The following SP140L variants were observed in gnomAD, a reference collection of about 807,000 sequenced individuals.
SP140L encodes the protein SP140 like nuclear body protein, also known as nuclear body protein SP140-like protein.
A neutral mutation model predicts 84.3 loss-of-function variants in SP140L; 64 were observed. That is an observed-to-expected ratio of 0.76 (90% CI 0.62 to 0.94). The LOEUF (loss-of-function observed/expected upper bound fraction) is 0.94. Among genes scored for constraint, SP140L ranks in the 40% least tolerant of loss-of-function variants. The probability of loss-of-function intolerance (pLI) is 0.00; values close to 1 mark genes in which losing one functional copy is unlikely to be tolerated. For synonymous variants in SP140L, 242 were observed against 236.9 expected (o/e 1.02, Z -0.20); for missense variants, 628 against 692.5 (o/e 0.91, Z 1.05).
intron 9 of SP140L, 59 bp from the exon 10 acceptor site, chr2:230,388,500 C>A (rs576678719): frequency 5.0e-6 from 7 of 1,387,028 alleles, no homozygotes; most frequent in African/African-American, 2.9e-5. Flanking sequence ...TGAAAAGCAG[C>A]AATATATGTA....
intron 2 of SP140L, among the ~76,000 whole-genome samples, chr2:230,329,455 T>C (rs777343567): frequency 6.6e-6 from 1 of 152,230 alleles, no homozygotes; most frequent in Non-Finnish European, 1.5e-5. Context: ...TGGCTCTGTG[T>C]CTCCACCCAA....
At position 230,329,450 on chromosome 2, in the gene SP140L, C is replaced by G. The variant is rs12467091; in HGVS notation, c.107+619C>G. 6.5e-3 allele frequency among the ~76,000 whole-genome samples: 983 copies of G among 152,240 alleles called. 29 individuals are homozygous for G. The highest frequency in any genetic ancestry group is 0.057 in the East Asian group (293 of 5,178). On this transcript the variant is annotated intron_variant, in intron 2 of 18. Transcript: ENST00000415673. ...AATTATCTAGTGATATGGTTTGGCT[C>G]TGTGTCTCCACCCAAATCTCATCTT...
chr2:230,338,964 T>G (rs1233376536), intron 2 of SP140L, among the ~76,000 whole-genome samples: 13 of 137,766 alleles, frequency 9.4e-5, no homozygotes, highest in African/African-American at 2.3e-4. Context: ...TCTCTTTTTT[T>G]GTTGTGTCTC....
chr2:230,381,383 T>C (rs913799381), intron 7 of SP140L, among the ~76,000 whole-genome samples: 2 of 152,118 alleles, frequency 1.3e-5, no homozygotes, highest in African/African-American at 2.4e-5. Context: ...TATTCTGACA[T>C]CCTTGAAGCA....
chr2:230,353,057 T>C (rs1201751125), intron 2 of SP140L, among the ~76,000 whole-genome samples: 1 of 152,112 alleles, frequency 6.6e-6, no homozygotes, highest in Admixed American at 6.5e-5. Context: ...AAATCATTTG[T>C]GAATATATTT....
At chr2:230,355,856 A>G (rs559739918) in intron 2 of SP140L, among the ~76,000 whole-genome samples, 27 of 152,292 alleles carry the variant, frequency 1.8e-4, no homozygotes, top group East Asian at 3.9e-4. Context: ...TTTCCTATCA[A>G]AAGACATAAT....
rs548826351 is a variant in SP140L at position 230,386,311 on chromosome 2, C to T, written c.784+1007C>T. Among the ~76,000 whole-genome samples the T allele has an allele frequency of 3.3e-4, 50 of 152,176 alleles. 1 individual carries two copies. The highest frequency in any genetic ancestry group is 2.9e-3 in the South Asian group (14 of 4,814). ...AGTGAAACTCTCATGTCCTGGGCAC[C>T]CCCTTAGTCCTGGACAGACCAGGAC... On this transcript the variant is annotated intron_variant, in intron 9 of 18. Coordinates refer to ENST00000415673, the MANE Select transcript of SP140L (RefSeq NM_138402.6).
chr2:230,360,767 C>G (rs750335017), intron 4 of SP140L, among the ~76,000 whole-genome samples: 1 of 152,094 alleles, frequency 6.6e-6, no homozygotes, highest in Non-Finnish European at 1.5e-5. Context: ...TGCCCACCGC[C>G]CCACCCAGCA....
At chr2:230,397,522 A>G (rs1575554157) in intron 14 of SP140L, among the ~76,000 whole-genome samples, 1 of 152,168 alleles carries the variant, frequency 6.6e-6, no homozygotes, top group Non-Finnish European at 1.5e-5. Flanking sequence ...TCTGCTTGCT[A>G]TATGACTGCC....
intron 2 of SP140L, among the ~76,000 whole-genome samples, chr2:230,332,186 A>C (rs947441801): frequency 3.9e-5 from 6 of 152,230 alleles, no homozygotes; most frequent in African/African-American, 1.4e-4. Flanking sequence ...ATGTTTGCTA[A>C]AGAATCTTTG....
At chr2:230,327,401 C>T in intron 1 of SP140L, 100 bp downstream of exon 1, 1 of 1,378,640 alleles carries the variant, frequency 7.3e-7, no homozygotes, top group African/African-American at 1.4e-5. Context: ...TTTAGTCCTG[C>T]TTTGCAAGAA....
intron 9 of SP140L, 147 bp from the exon 10 acceptor site, chr2:230,388,412 A>G (rs1356841657): frequency 1.8e-6 from 1 of 544,890 alleles, no homozygotes; most frequent in Non-Finnish European, 3.1e-6. Context: ...AATTCTTCAT[A>G]CCTTAAAGGC....
At chr2:230,347,860 G>T (rs987206657) in intron 2 of SP140L, among the ~76,000 whole-genome samples, 1 of 152,216 alleles carries the variant, frequency 6.6e-6, no homozygotes, top group African/African-American at 2.4e-5. Context: ...CTGCAGTTGG[G>T]CAGAGCTGCT....
chr2:230,400,817 T>A, intron 15 of SP140L, 138 bp from the exon 16 acceptor site: 1 of 1,579,876 alleles, frequency 6.3e-7, no homozygotes, highest in Non-Finnish European at 8.6e-7. Flanking sequence ...GTGCAGTTCT[T>A]GGATACTCTG....
At chr2:230,357,752 C>G in intron 2 of SP140L, 53 bp from the exon 3 acceptor site, 1 of 1,558,592 alleles carries the variant, frequency 6.4e-7, no homozygotes, top group Non-Finnish European at 8.7e-7. Flanking sequence ...ACCATCTCCA[C>G]AAACATCTCA....
intron 2 of SP140L, among the ~76,000 whole-genome samples, chr2:230,332,403 G>C (rs2059750437): frequency 6.6e-6 from 1 of 152,114 alleles, no homozygotes; most frequent in Non-Finnish European, 1.5e-5. Context: ...TCTGTAATTT[G>C]AAAAGATATG....
intron 7 of SP140L, among the ~76,000 whole-genome samples, chr2:230,379,143 T>A (rs2061332522): frequency 6.6e-6 from 1 of 152,216 alleles, no homozygotes; most frequent in Admixed American, 6.5e-5. Context: ...TTATGTCTCT[T>A]GTAACAGCAC....
chr2:230,346,196 T>G (rs1431720376), intron 2 of SP140L, among the ~76,000 whole-genome samples: 2 of 152,196 alleles, frequency 1.3e-5, no homozygotes, highest in Non-Finnish European at 2.9e-5. Flanking sequence ...ATTTTGAATG[T>G]GTCACCCTAA....
chr2:230,398,780 A>G (rs2062174625), intron 14 of SP140L, among the ~76,000 whole-genome samples: 1 of 152,250 alleles, frequency 6.6e-6, no homozygotes, highest in East Asian at 1.9e-4. Context: ...ACATAGGGCC[A>G]CATGGGGGCT....
Sources: allele counts gnomAD v4.1 joint callset (sites outside exome capture counted in the v4.1 genomes callset), GRCh38; gene constraint gnomAD v4.1.1; transcripts MANE v1.5; gene names NCBI Gene and HGNC (gene_info 2026-07-23, HGNC 2026-07-21).